Variants in LCP2 observed in about 807,000 individuals in gnomAD.
LCP2 encodes the protein lymphocyte cytosolic protein 2.
LCP2 carries 29 observed loss-of-function variants against 74.5 expected under a neutral mutation model. That is an observed-to-expected ratio of 0.39 (90% confidence interval 0.29 to 0.53). LCP2 has a LOEUF of 0.53. LCP2 is among the 20% of genes least tolerant of loss of function. The probability of loss-of-function intolerance (pLI) is 0.72; values close to 1 mark genes in which losing one functional copy is unlikely to be tolerated. For synonymous variants in LCP2, 228 were observed against 229.5 expected (o/e 0.99, Z 0.06); for missense variants, 604 against 634.6 (o/e 0.95, Z 0.52).
At chr5:170,261,214 T>C (rs1231152041) in intron 13 of LCP2, 77 bp from the exon 14 acceptor site, 2 of 1,123,166 alleles carry the variant, frequency 1.8e-6, no homozygotes, top group East Asian at 4.8e-5. Flanking sequence ...ACAGTTTTGC[T>C]TCATTGAATA....
intron 3 of LCP2, among the ~76,000 whole-genome samples, chr5:170,277,969 G>C (rs1762034775): frequency 6.6e-6 from 1 of 151,768 alleles, no homozygotes; most frequent in African/African-American, 2.4e-5. Context: ...CTTCCTAGTT[G>C]CCTCCTGACC....
chr5:170,252,282 T>C (rs548975646), intron 19 of LCP2, 152 bp downstream of exon 19: 1 of 459,724 alleles, frequency 2.2e-6, no homozygotes, highest in South Asian at 4.3e-5. Context: ...TGCTGGTAGT[T>C]GTGAAGCTGG....
At chr5:170,260,721 C>T (rs1008820134) in intron 14 of LCP2, among the ~76,000 whole-genome samples, 1 of 152,326 alleles carries the variant, frequency 6.6e-6, no homozygotes, top group East Asian at 1.9e-4. Flanking sequence ...GCTATTTCCC[C>T]TCTTTTTCAG....
chr5:170,291,458 C>T (rs1176415532), intron 2 of LCP2, among the ~76,000 whole-genome samples: 1 of 152,198 alleles, frequency 6.6e-6, no homozygotes, highest in Non-Finnish European at 1.5e-5. Flanking sequence ...TTCTTTTCTT[C>T]TGGTTCCTAT....
intron 20 of LCP2, among the ~76,000 whole-genome samples, chr5:170,249,198 G>C (rs4867951): frequency 6.6e-6 from 1 of 151,832 alleles, no homozygotes; most frequent in African/African-American, 2.4e-5. Flanking sequence ...GCTGGTGTGC[G>C]CCTGTAATCC....
At chr5:170,281,177 G>T (rs1354275078) in intron 3 of LCP2, among the ~76,000 whole-genome samples, 1 of 152,126 alleles carries the variant, frequency 6.6e-6, no homozygotes, top group Non-Finnish European at 1.5e-5. Flanking sequence ...GGGCCCTTGA[G>T]GACTGACAAG....
At position 170,285,018 on chromosome 5, in the gene LCP2, T is replaced by C. The variant is rs571337860; in HGVS notation, c.188+2952A>G. 2.6e-5 allele frequency among the ~76,000 whole-genome samples: 4 copies of C among 152,338 alleles called. No individual in the cohort carries two copies. In the South Asian group the frequency reaches 8.3e-4, roughly 32 times the overall value. On this transcript the variant is annotated intron_variant, in intron 3 of 20. Transcript: ENST00000046794. ...CACCCACCTCAGCCTCCCAAAGTGCTGGGATTACAGGCGTGAGCCACTGTG... is the reference window on the plus strand; with the variant it reads ...CACCCACCTCAGCCTCCCAAAGTGCCGGGATTACAGGCGTGAGCCACTGTG...
At chr5:170,275,171 CA>C (rs1309768200) in intron 5 of LCP2, 148 bp downstream of exon 5, 3 of 821,348 alleles carry the variant, frequency 3.7e-6, no homozygotes, top group Non-Finnish European at 6.0e-6. Flanking sequence ...CATCTAGACC[CA>C]AACCCTTTTC....
Position 170,248,475 on chromosome 5 carries a change from A to G in LCP2, c.*222T>C. 2.2e-6 allele frequency: 1 copy of G among 449,436 alleles called. No homozygotes were observed. The highest frequency in any genetic ancestry group is 4.0e-6 in the Non-Finnish European group (1 of 251,084). The allele number at this position is 449,436 out of a possible 1,614,324, so 27.8% of individuals were successfully genotyped here. On this transcript the variant is annotated 3_prime_UTR_variant, in exon 21 of 21. Transcript: ENST00000046794. ...GTGCACTACTAGACTTCAAGTGTGA[A>G]CATGACTCATGCACTTTACAAACAT...
At chr5:170,259,042 C>CT (rs1309481256) in intron 14 of LCP2, among the ~76,000 whole-genome samples, 164 bp from the exon 15 acceptor site, 2 of 152,154 alleles carry the variant, frequency 1.3e-5, no homozygotes, top group Non-Finnish European at 2.9e-5. Context: ...ATAGAAGTTG[C>CT]TAAGTGTTTT....
At chr5:170,294,137 T>C (rs1045485574) in intron 1 of LCP2, among the ~76,000 whole-genome samples, 3 of 152,224 alleles carry the variant, frequency 2.0e-5, no homozygotes, top group Non-Finnish European at 4.4e-5. Flanking sequence ...CAGAACAGGC[T>C]TTAATGTCTC....
chr5:170,248,814 A>T lies in LCP2; in HGVS notation c.1485T>A (p.Phe495Leu), dbSNP rs1390737104. Residue 495 changes from phenylalanine (F) to leucine (L), a missense_variant, in exon 21 of 21, where the codon TTT becomes TTA. Transcript: ENST00000046794. ...LGTGLRGKEDFLSVSDIIDYF... is the reference protein window; with the variant it reads ...LGTGLRGKEDLLSVSDIIDYF... The stretch of plus-strand genomic sequence containing the variant: ...AGTCAATAATATCTGACACAGACAG[A>T]AAGTCCTGAAAGAGTCAAGATAGGG... 6.2e-7 allele frequency: 1 copy of T among 1,612,274 alleles called. No individual in the cohort carries two copies. The highest frequency in any genetic ancestry group is 8.5e-7 in the Non-Finnish European group (1 of 1,178,976).
intron 6 of LCP2, among the ~76,000 whole-genome samples, chr5:170,272,327 T>C (rs986599789): frequency 6.6e-6 from 1 of 152,224 alleles, no homozygotes; most frequent in Non-Finnish European, 1.5e-5. Flanking sequence ...CATATGTGTG[T>C]TAAAGTAAAT....
chr5:170,252,913 CAT>C (rs1385256075), intron 18 of LCP2, among the ~76,000 whole-genome samples: 9 of 152,168 alleles, frequency 5.9e-5, no homozygotes, highest in East Asian at 5.8e-4. Context: ...ATGCAAAACA[CAT>C]GTTTGCCATT....
At chr5:170,288,097 A>G in intron 2 of LCP2, 81 bp from the exon 3 acceptor site, 1 of 1,408,288 alleles carries the variant, frequency 7.1e-7, no homozygotes, top group Non-Finnish European at 1.0e-6. Flanking sequence ...GATACGTGAA[A>G]CAATATAGGG....
At chr5:170,291,022 A>C (rs1424150339) in intron 2 of LCP2, among the ~76,000 whole-genome samples, 1 of 138,496 alleles carries the variant, frequency 7.2e-6, no homozygotes, top group East Asian at 2.0e-4. Context: ...GAGAGAAAGA[A>C]AGAGAGAAAG....
rs765403856 is a variant in LCP2 at position 170,270,890 on chromosome 5, C to G, written c.352G>C (p.Asp118His). 4.3e-6 allele frequency: 7 copies of G among 1,612,454 alleles called. No homozygotes were observed. In the Admixed American group the frequency reaches 1.2e-4, roughly 27 times the overall value. Residue 118 changes from aspartate (D) to histidine (H), a missense_variant, in exon 7 of 21, where the codon GAT (aspartate) becomes CAT (histidine). By Grantham distance (81) the Asp-to-His change is moderately conservative. Coordinates refer to ENST00000046794, the MANE Select transcript of LCP2 (RefSeq NM_005565.5). ...FEEDDYESPN[D>H]DQDGEDDGDY... Reference sequence around the variant, plus strand: ...CCATCATCCTCCCCATCCTGGTCATCATTGGGACTTTCATAATCGTCTTCT... The same window carrying G: ...CCATCATCCTCCCCATCCTGGTCATGATTGGGACTTTCATAATCGTCTTCT...
At chr5:170,263,869 G>A (rs1761703388) in intron 10 of LCP2, among the ~76,000 whole-genome samples, 1 of 152,172 alleles carries the variant, frequency 6.6e-6, no homozygotes, top group African/African-American at 2.4e-5. Flanking sequence ...CATAAGAATT[G>A]GGTGACAATT....
chr5:170,246,495 A>G lies in LCP2; in HGVS notation c.*2202T>C, dbSNP rs1222296051. ...TGAGTCATGTGACTTGGAAGCACAT[A>G]GTTGGAATAGATTTCAGGGATCCCA... On this transcript the variant is annotated 3_prime_UTR_variant, in exon 21 of 21. Transcript: ENST00000046794. 6.2e-6 allele frequency: 1 copy of G among 160,934 alleles called. No individual in the cohort carries two copies. Among genetic ancestry groups the G allele is most frequent in the Non-Finnish European group, 1.4e-5 (1 of 73,424 alleles). The allele number at this position is 160,934 out of a possible 1,614,324, so 10.0% of individuals were successfully genotyped here.
Sources: allele counts gnomAD v4.1 joint callset (sites outside exome capture counted in the v4.1 genomes callset), GRCh38; gene constraint gnomAD v4.1.1; transcripts MANE v1.5; gene names NCBI Gene and HGNC (gene_info 2026-07-23, HGNC 2026-07-21).